The following SOS2 variants were observed in gnomAD, a reference collection of about 807,000 sequenced individuals.
SOS2 encodes the protein son of sevenless homolog 2.
SOS2 carries 65 observed loss-of-function variants against 148.2 expected under a neutral mutation model. The ratio of observed to expected loss-of-function variants is 0.44; its 90% CI spans 0.36 to 0.54. SOS2 has a LOEUF of 0.54. SOS2 is among the 20% of genes least tolerant of loss of function. The pLI is 0.00. For synonymous variants in SOS2, 539 were observed against 537.1 expected, an observed-to-expected ratio of 1.00 and a Z score of -0.05; for missense variants, 1,341 against 1,590.2, an observed-to-expected ratio of 0.84 and a Z score of 2.67.
intron 21 of SOS2, among the ~76,000 whole-genome samples, chr14:50,126,091 C>T (rs1050274109): frequency 2.6e-5 from 4 of 152,124 alleles, no homozygotes; most frequent in Non-Finnish European, 4.4e-5. Flanking sequence ...CCATCAGTTT[C>T]CCCCTCATTC....
Position 50,205,748 on chromosome 14 carries a change from A to G in SOS2, c.88-1339T>C, listed in dbSNP as rs895306493. ...GAAGTTTGAGACCAGCCTGGCCAAC[A>G]TGGTGAAACTAAAAATACAAAATTA... On this transcript the variant is annotated intron_variant, in intron 1 of 22. Transcript: ENST00000216373. Among the ~76,000 whole-genome samples the G allele has an allele frequency of 3.3e-5, 5 of 152,088 alleles. No individual in the cohort carries two copies. The East Asian group carries it at 9.6e-4, about 29-fold the overall frequency.
intron 12 of SOS2, among the ~76,000 whole-genome samples, chr14:50,155,298 C>T (rs944345322): frequency 3.9e-5 from 6 of 152,098 alleles, no homozygotes; most frequent in African/African-American, 1.2e-4. Flanking sequence ...CAGTTTTCCA[C>T]TCCATCCAAT....
intron 22 of SOS2, 33 bp downstream of exon 22, chr14:50,120,242 T>A (rs1883458137): frequency 1.0e-6 from 1 of 957,344 alleles, no homozygotes. Flanking sequence ...ATTCACAACT[T>A]TGAATAAGTT....
At chr14:50,213,419 C>G (rs10142902) in intron 1 of SOS2, among the ~76,000 whole-genome samples, 1 of 152,064 alleles carries the variant, frequency 6.6e-6, no homozygotes, top group South Asian at 2.1e-4. Context: ...ATTTATAGGC[C>G]GGGTGTGGTG....
At chr14:50,129,811 A>C (rs750199572) in intron 21 of SOS2, 150 bp downstream of exon 21, 38 of 544,080 alleles carry the variant, frequency 7.0e-5, no homozygotes, top group Middle Eastern at 5.1e-4. Flanking sequence ...AGTGAAGCTT[A>C]AGTAGTACAC....
chr14:50,206,906 G>T (rs1295152094), intron 1 of SOS2, among the ~76,000 whole-genome samples: 2 of 152,086 alleles, frequency 1.3e-5, no homozygotes, highest in African/African-American at 2.4e-5. Context: ...TTGACCTCAA[G>T]CTGGTCTTGA....
chr14:50,188,280 C>A lies in SOS2; in HGVS notation c.714+217G>T, dbSNP rs1885990000. On this transcript the variant is annotated intron_variant, in intron 5 of 22. Coordinates refer to ENST00000216373, the MANE Select transcript of SOS2 (RefSeq NM_006939.4). ...ATTAGCCGATTGTGGTGGTGCATGC[C>A]TCTAATCCCAGCTACTCAGGAGGCT... Among the ~76,000 whole-genome samples the A allele has an allele frequency of 2.0e-5, 3 of 152,016 alleles. No individual in the cohort carries two copies. In the South Asian group the frequency reaches 6.2e-4, roughly 32 times the overall value.
chr14:50,197,723 TTGTCACCCAGGCTGCAATGCAG>T (rs1886358339), intron 4 of SOS2, among the ~76,000 whole-genome samples: 13 of 150,920 alleles, frequency 8.6e-5, no homozygotes, highest in Middle Eastern at 3.2e-3. Flanking sequence ...CAGTCTTGCT[TTGTCACCCAGGCTGCAATGCAG>T]TGGTGCAATC....
chr14:50,183,705 T>C (rs1885817565), intron 5 of SOS2, among the ~76,000 whole-genome samples: 1 of 152,216 alleles, frequency 6.6e-6, no homozygotes, highest in South Asian at 2.1e-4. Flanking sequence ...TTAGGCTATA[T>C]AGTCTTATAG....
intron 7 of SOS2, among the ~76,000 whole-genome samples, chr14:50,179,835 T>A (rs1885673830): frequency 6.6e-6 from 1 of 152,146 alleles, no homozygotes; most frequent in Non-Finnish European, 1.5e-5. Flanking sequence ...TTGCATACTC[T>A]CCCTCAATAC....
intron 5 of SOS2, among the ~76,000 whole-genome samples, 168 bp downstream of exon 5, chr14:50,188,329 G>C (rs1216191161): frequency 6.6e-6 from 1 of 152,112 alleles, no homozygotes; most frequent in Non-Finnish European, 1.5e-5. Flanking sequence ...CTTGAACCCG[G>C]GAGGTGGAGG....
At chr14:50,144,970 G>A (rs1884420509) in intron 16 of SOS2, among the ~76,000 whole-genome samples, 200 bp downstream of exon 16, 1 of 151,762 alleles carries the variant, frequency 6.6e-6, no homozygotes, top group African/African-American at 2.4e-5. Flanking sequence ...TCTAATATAA[G>A]CCTAGGATTC....
At chr14:50,217,832 T>C (rs1887078937) in intron 1 of SOS2, among the ~76,000 whole-genome samples, 1 of 151,972 alleles carries the variant, frequency 6.6e-6, no homozygotes, top group African/African-American at 2.4e-5. Context: ...GGCGGGCGCC[T>C]GTAGTCCCAG....
chr14:50,118,793 T>G lies in SOS2; in HGVS notation c.3550A>C (p.Lys1184Gln), dbSNP rs745438802. ...AIPPRQPPPP[K>Q]VKPRVPVPTG... is the part of the protein sequence containing the mutation. ...GGAACAGGAACTCTGGGTTTTACCT[T>G]TGGAGGAGGAGGCTGTCTCGGTGGA... The change falls in exon 23 of 23, where the codon AAG (lysine) becomes CAG (glutamine). Residue 1184 changes from lysine (K) to glutamine (Q), a missense_variant. By Grantham distance (53) the Lys-to-Gln change is moderately conservative. Around this residue, in one of 4 missense-constraint regions of SOS2, gnomAD observed 354 missense variants for 347.7 expected, o/e 1.02. Transcript: ENST00000216373. The G allele has an allele frequency of 3.9e-6, 6 of 1,557,520 alleles. No individual in the cohort carries two copies. The South Asian group carries it at 5.9e-5, about 15-fold the overall frequency.
At chr14:50,140,702 T>C (rs74049162) in intron 16 of SOS2, among the ~76,000 whole-genome samples, 4 of 151,774 alleles carry the variant, frequency 2.6e-5, no homozygotes, top group Non-Finnish European at 4.4e-5. Flanking sequence ...CTAGCTAGCA[T>C]GGACAAGTAT....
intron 4 of SOS2, among the ~76,000 whole-genome samples, chr14:50,199,115 T>C (rs1886403204): frequency 6.6e-6 from 1 of 152,208 alleles, no homozygotes; most frequent in Non-Finnish European, 1.5e-5. Context: ...ATTGTGCCAC[T>C]GCACTCCAGC....
At chr14:50,138,036 T>A (rs1272540793) in intron 18 of SOS2, among the ~76,000 whole-genome samples, 1 of 151,802 alleles carries the variant, frequency 6.6e-6, no homozygotes, top group African/African-American at 2.4e-5. Context: ...AGACAGGGTT[T>A]CACCATGTTG....
chr14:50,230,136 G>T (rs1301187057), intron 1 of SOS2, among the ~76,000 whole-genome samples: 2 of 152,148 alleles, frequency 1.3e-5, no homozygotes, highest in Admixed American at 6.5e-5. Context: ...AACTCTCATC[G>T]CATGAGGAAA....
At chr14:50,118,898 TAAAA>T (rs752188461) in intron 22 of SOS2, 45 bp from the exon 23 acceptor site, 2 of 1,093,428 alleles carry the variant, frequency 1.8e-6, no homozygotes, top group African/African-American at 1.6e-5. Flanking sequence ...TCTGAAAAAT[TAAAA>T]AAAAAAATTT....
Sources: allele counts gnomAD v4.1 joint callset (sites outside exome capture counted in the v4.1 genomes callset), GRCh38; gene constraint gnomAD v4.1.1; regional missense constraint gnomAD v4.1.1; transcripts MANE v1.5; gene names NCBI Gene and HGNC (gene_info 2026-07-23, HGNC 2026-07-21).